The following MTMR14 variants were observed in gnomAD, a reference collection of about 807,000 sequenced individuals.
MTMR14 encodes the protein myotubularin related protein 14.
In MTMR14, 48 loss-of-function variants were observed where a neutral mutation model predicts 86.3. The observed-to-expected ratio is 0.56, with a 90% confidence interval of 0.44 to 0.71. The LOEUF is 0.71. MTMR14 is among the 30% of genes least tolerant of loss of function. The pLI is 0.00. For missense variants in MTMR14, 780 were observed against 834.6 expected (o/e 0.93, Z 0.81); for synonymous variants, 366 against 326.1 (o/e 1.12, Z -1.32).
chr3:9,689,288 T>C (rs2125319083), intron 16 of MTMR14, among the ~76,000 whole-genome samples: 1 of 152,190 alleles, frequency 6.6e-6, no homozygotes, highest in African/African-American at 2.4e-5. Flanking sequence ...CCCAGGAACA[T>C]AAAGGGCTAG....
At chr3:9,666,516 G>A (rs1413329929) in intron 3 of MTMR14, among the ~76,000 whole-genome samples, 1 of 152,200 alleles carries the variant, frequency 6.6e-6, no homozygotes, top group Admixed American at 6.5e-5. Flanking sequence ...TAGAAAAAAT[G>A]TAAAATATTC....
chr3:9,675,634 T>C (rs944032220), intron 7 of MTMR14: 7 of 457,314 alleles, frequency 1.5e-5, no homozygotes, highest in Admixed American at 4.7e-5. Context: ...TTTTGGTCCC[T>C]CTCCTCTTGC....
At chr3:9,693,200 C>T (rs2076185859) in intron 17 of MTMR14, among the ~76,000 whole-genome samples, 1 of 152,164 alleles carries the variant, frequency 6.6e-6, no homozygotes, top group Admixed American at 6.5e-5. Context: ...CCATGATCAG[C>T]CAACCAGATT....
rs1409108121 is a variant in MTMR14, at chr3:9,668,800, T to C, written c.493+6T>C. ...CTACAACTATTTTTTCTCAGGTGAA[T>C]GTTGAACAGCATCCTCTGATGTAGA... On this transcript the variant is annotated splice_donor_region_variant and intron_variant, in intron 4 of 18. Coordinates refer to ENST00000296003, the MANE Select transcript of MTMR14 (RefSeq NM_001077525.3). 9 of 1,613,804 alleles carry C rather than the reference T, an allele frequency of 5.6e-6. No homozygotes were observed. Among genetic ancestry groups the C allele is most frequent in the Non-Finnish European group, 7.6e-6 (9 of 1,179,836 alleles).
chr3:9,692,976 T>C (rs1000237135), intron 17 of MTMR14, among the ~76,000 whole-genome samples: 3 of 152,356 alleles, frequency 2.0e-5, no homozygotes, highest in Non-Finnish European at 2.9e-5. Flanking sequence ...CTTCATGACA[T>C]GTCACTTGAT....
In MTMR14 at chr3:9,677,424, C is replaced by T. The variant is rs1405540806; in HGVS notation, c.822+37C>T. 3.0e-5 allele frequency: 48 copies of T among 1,578,392 alleles called. No homozygotes were observed. Among genetic ancestry groups the T allele is most frequent in the Non-Finnish European group, 4.0e-5 (46 of 1,147,706 alleles). ...AACATACATCAAATTGGATCTATGT[C>T]TCTTTGTAAAGGGAGGCCAAGGAGA... On this transcript the variant is annotated intron_variant, in intron 8 of 18. Coordinates refer to ENST00000296003, the MANE Select transcript of MTMR14 (RefSeq NM_001077525.3). The surrounding 1 kb of genome is among the most constrained non-coding windows in gnomAD (Gnocchi z 4.2).
intron 9 of MTMR14, among the ~76,000 whole-genome samples, chr3:9,681,576 C>T (rs2075769762): frequency 6.6e-6 from 1 of 152,224 alleles, no homozygotes; most frequent in African/African-American, 2.4e-5. Context: ...AGAAAGAGTA[C>T]TCTAGGCATA....
intron 17 of MTMR14, among the ~76,000 whole-genome samples, chr3:9,693,590 T>G (rs1046444742): frequency 6.6e-6 from 1 of 152,220 alleles, no homozygotes; most frequent in Non-Finnish European, 1.5e-5. Flanking sequence ...GAACCTATAT[T>G]TCCTGTGTGT....
At chr3:9,663,209 G>A (rs151181461) in intron 3 of MTMR14, among the ~76,000 whole-genome samples, 1 of 152,238 alleles carries the variant, frequency 6.6e-6, no homozygotes, top group East Asian at 1.9e-4. Context: ...GCGGAATTCA[G>A]TCTATTCATT....
At position 9,654,679 on chromosome 3, in the gene MTMR14, G is replaced by A. The variant is rs1397349692; in HGVS notation, c.308+910G>A. ...GAAATCCTGGCCCCGTGGGTGAAAT[G>A]TTGTGAGGAGTACCGCAGCAGTCAT... On this transcript the variant is annotated intron_variant, in intron 2 of 18. Transcript: ENST00000296003. Among the ~76,000 whole-genome samples the A allele has an allele frequency of 4.6e-5, 7 of 152,362 alleles. No homozygotes were observed. The South Asian group carries it at 1.0e-3, about 23-fold the overall frequency.
intron 17 of MTMR14, among the ~76,000 whole-genome samples, chr3:9,691,528 G>C (rs2076140179): frequency 6.6e-6 from 1 of 152,230 alleles, no homozygotes; most frequent in Admixed American, 6.5e-5. Flanking sequence ...GAGGAAACCA[G>C]AGGTTCCTCT....
intron 3 of MTMR14, among the ~76,000 whole-genome samples, chr3:9,665,437 A>G (rs1261807324): frequency 6.6e-6 from 1 of 152,210 alleles, no homozygotes; most frequent in Middle Eastern, 3.2e-3. Flanking sequence ...GCATGGTCAT[A>G]AAGGTGGAAA....
Position 9,687,874 on chromosome 3 carries a change from T to A in MTMR14, c.1218T>A (p.Ser406=). The A allele has an allele frequency of 6.3e-7, 1 of 1,588,980 alleles. No homozygotes were observed. The highest frequency in any genetic ancestry group is 1.1e-5 in the South Asian group (1 of 87,976). Residue 406 remains serine (S), a synonymous_variant, in exon 14 of 19, where the codon TCT becomes TCA. Transcript: ENST00000296003. ...FLKHITSEEF[S]ALKTQRRKSL... Reference sequence around the variant, plus strand: ...AGCATATTACCTCCGAGGAGTTCTCTGCTCTGAAGACCCAGAGGTAAGTGG... The same window carrying A: ...AGCATATTACCTCCGAGGAGTTCTCAGCTCTGAAGACCCAGAGGTAAGTGG...
In MTMR14 at chr3:9,701,935, G is replaced by C; in HGVS notation, c.1915G>C (p.Gly639Arg). Reference protein sequence around the residue: ...IGGLLEQFARGVGLRSISSNA... With the variant: ...IGGLLEQFARRVGLRSISSNA... ...GGGCCTGCTGGAGCAATTTGCCCGTGGTGTTGGACTCCGGAGCATCAGCAG... is the reference window on the plus strand; with the variant it reads ...GGGCCTGCTGGAGCAATTTGCCCGTCGTGTTGGACTCCGGAGCATCAGCAG... Residue 639 changes from glycine to arginine, a missense_variant, in exon 19 of 19, where the codon GGT (glycine) becomes CGT (arginine). Physicochemically the swap from Gly to Arg is moderately radical, Grantham distance 125 (BLOSUM62 -2). Coordinates refer to ENST00000296003, the MANE Select transcript of MTMR14 (RefSeq NM_001077525.3). This position sits in a 1 kb window ranked among gnomAD's most constrained non-coding sequence, Gnocchi z 4.2. 6.2e-7 allele frequency: 1 copy of C among 1,614,220 alleles called. No individual in the cohort carries two copies. Among genetic ancestry groups the C allele is most frequent in the Non-Finnish European group, 8.5e-7 (1 of 1,180,046 alleles).
chr3:9,686,730 GCA>G (rs1260349747), intron 13 of MTMR14, among the ~76,000 whole-genome samples: 1 of 152,264 alleles, frequency 6.6e-6, no homozygotes, highest in African/African-American at 2.4e-5. Flanking sequence ...CCTTGCCTGG[GCA>G]CACAGAGATA....
At chr3:9,699,388 C>G (rs1433884542) in intron 18 of MTMR14, 2 of 152,154 alleles carry the variant, frequency 1.3e-5, no homozygotes, top group Non-Finnish European at 2.9e-5. Context: ...GCTAGCCAAG[C>G]CTTTAGTTCT....
chr3:9,668,445 C>T (rs569072437), intron 3 of MTMR14, among the ~76,000 whole-genome samples: 4 of 152,310 alleles, frequency 2.6e-5, no homozygotes, highest in African/African-American at 7.2e-5. Context: ...ATGTCCAGCA[C>T]GTGGTACACA....
At chr3:9,657,969 G>A (rs1386557139) in intron 2 of MTMR14, among the ~76,000 whole-genome samples, 1 of 152,226 alleles carries the variant, frequency 6.6e-6, no homozygotes, top group Non-Finnish European at 1.5e-5. Flanking sequence ...GTACCTGTCT[G>A]CCTTATCTTT....
At chr3:9,670,526 C>T (rs899427904) in intron 5 of MTMR14, among the ~76,000 whole-genome samples, 6 of 152,194 alleles carry the variant, frequency 3.9e-5, no homozygotes, top group Non-Finnish European at 5.9e-5. Context: ...GCTTCATCGG[C>T]CTGCTAGGTA....
Sources: allele counts gnomAD v4.1 joint callset (sites outside exome capture counted in the v4.1 genomes callset), GRCh38; gene constraint gnomAD v4.1.1; non-coding constraint Gnocchi (gnomAD v3.1); transcripts MANE v1.5; gene names NCBI Gene and HGNC (gene_info 2026-07-23, HGNC 2026-07-21).